DPP3: variants seen among roughly 807,000 people sequenced by gnomAD.
DPP3 encodes the protein dipeptidyl peptidase 3.
In DPP3, 64 loss-of-function variants were observed where a neutral mutation model predicts 89.8. The observed-to-expected ratio is 0.71, with a 90% CI of 0.58 to 0.88. The LOEUF is 0.88. Among genes scored for constraint, DPP3 ranks in the 40% least tolerant of loss-of-function variants. DPP3 has a pLI of 0.00. For missense variants in DPP3, 835 were observed against 972.5 expected, an observed-to-expected ratio of 0.86 and a Z score of 1.88; for synonymous variants, 377 against 404.3, an observed-to-expected ratio of 0.93 and a Z score of 0.81.
chr11:66,491,183 C>T (rs890748338), intron 6 of DPP3, 70 bp from the exon 7 acceptor site: 1 of 1,601,380 alleles, frequency 6.2e-7, no homozygotes, highest in Non-Finnish European at 8.5e-7. Flanking sequence ...AGGTGTCTTA[C>T]TCAGGCCTTT....
Position 66,498,415 on chromosome 11 carries a change from G to A in DPP3, c.1878+938G>A, listed in dbSNP as rs186350795. Among the ~76,000 whole-genome samples, 1,354 of 152,180 alleles carry A rather than the reference G, an allele frequency of 8.9e-3. 18 individuals carry two copies. Among genetic ancestry groups the A allele is most frequent in the African/African-American group, 0.031 (1,273 of 41,518 alleles). ...GCCTAATTTTTGTATTTTTAGTAGA[G>A]ACAGGGTTTCACCATGTTGGCCAGG... On this transcript the variant is annotated intron_variant, in intron 16 of 17. Coordinates refer to ENST00000531863, the MANE Select transcript of DPP3 (RefSeq NM_130443.4).
At chr11:66,494,461 T>C (rs1855480491) in intron 12 of DPP3, among the ~76,000 whole-genome samples, 1 of 152,220 alleles carries the variant, frequency 6.6e-6, no homozygotes, top group South Asian at 2.1e-4. Context: ...TTATCAAGGC[T>C]GTGTGTGGCC....
chr11:66,486,771 T>TG, intron 4 of DPP3, 94 bp downstream of exon 4: 1 of 1,388,090 alleles, frequency 7.2e-7, no homozygotes, highest in Non-Finnish European at 9.5e-7. Context: ...GGGGAGGCAG[T>TG]GGGCTCTGCC....
chr11:66,502,494 A>G (rs56144989), intron 16 of DPP3, among the ~76,000 whole-genome samples: 36,288 of 147,314 alleles, frequency 0.25, 4,611 homozygotes, highest in East Asian at 0.27. Flanking sequence ...TTTCGAAACC[A>G]AGTCTCACTC....
chr11:66,498,120 G>A lies in DPP3; in HGVS notation c.1878+643G>A, dbSNP rs369799859. On this transcript the variant is annotated intron_variant, in intron 16 of 17. Transcript: ENST00000531863. ...GCTAATTTTTTTTTTTTGAGACAGGGTCTCGCTCTGTCGCCCAGGCTGGAG... is the reference window on the plus strand; with the variant it reads ...GCTAATTTTTTTTTTTTGAGACAGGATCTCGCTCTGTCGCCCAGGCTGGAG... Among the ~76,000 whole-genome samples the A allele has an allele frequency of 2.7e-4, 39 of 145,728 alleles. No individual in the cohort carries two copies. The East Asian group carries it at 7.1e-3, about 27-fold the overall frequency.
intron 16 of DPP3, 43 bp from the exon 17 acceptor site, chr11:66,504,569 G>A (rs759025176): frequency 2.4e-5 from 38 of 1,561,418 alleles, no homozygotes; most frequent in East Asian, 4.6e-5. Context: ...TGTGGACACC[G>A]GGTAACTGCC....
intron 4 of DPP3, among the ~76,000 whole-genome samples, 188 bp from the exon 5 acceptor site, chr11:66,487,080 A>G (rs980636457): frequency 6.6e-6 from 1 of 152,090 alleles, no homozygotes; most frequent in Non-Finnish European, 1.5e-5. Flanking sequence ...AGGCCTGGGC[A>G]GAGCTGCAGC....
intron 2 of DPP3, chr11:66,483,038 T>C (rs1204858539): frequency 6.5e-6 from 1 of 153,224 alleles, no homozygotes; most frequent in Non-Finnish European, 1.5e-5. Flanking sequence ...TTTTTATTTT[T>C]TTTTTGTGAC....
At chr11:66,493,775 A>G (rs958186857) in intron 12 of DPP3, 142 bp downstream of exon 12, 51 of 847,340 alleles carry the variant, frequency 6.0e-5, no homozygotes, top group Middle Eastern at 2.3e-4. Context: ...TAGGCAGAGA[A>G]GACCCTGTCT....
intron 16 of DPP3, among the ~76,000 whole-genome samples, chr11:66,499,295 G>A (rs751849667): frequency 1.4e-4 from 21 of 151,752 alleles, no homozygotes; most frequent in Admixed American, 5.3e-4. Context: ...ACCTGAAGGC[G>A]GAGGTTGCAG....
At chr11:66,503,257 G>T (rs879516194) in intron 16 of DPP3, among the ~76,000 whole-genome samples, 1 of 152,074 alleles carries the variant, frequency 6.6e-6, no homozygotes, top group Non-Finnish European at 1.5e-5. Flanking sequence ...ATGAGCCACC[G>T]TGCCCAGCCA....
In DPP3 at chr11:66,493,633, G is replaced by T; in HGVS notation, c.1389G>T (p.Gln463His). The T allele has an allele frequency of 6.2e-7, 1 of 1,610,020 alleles. No individual in the cohort carries two copies. The highest frequency in any genetic ancestry group is 8.5e-7 in the Non-Finnish European group (1 of 1,178,722). The change falls in exon 12 of 18, where the codon CAG becomes CAT. Residue 463 changes from glutamine to histidine, a missense_variant and splice_region_variant. Coordinates refer to ENST00000531863, the MANE Select transcript of DPP3 (RefSeq NM_130443.4). ...LGHGSGKLFV[Q>H]DEKGAFNFDQ... ...ATGGCAGTGGCAAGCTCTTCGTACA[G>T]GTGAGAAGGCAGTGGCCAGCCCTGG...
chr11:66,504,543 G>A (rs1565276281), intron 16 of DPP3, 69 bp from the exon 17 acceptor site: 2 of 1,521,286 alleles, frequency 1.3e-6, no homozygotes, highest in Non-Finnish European at 8.9e-7. Flanking sequence ...ATCAGCTGTG[G>A]CCTATGGCAG....
chr11:66,507,320 A>G (rs1855826232), intron 17 of DPP3, among the ~76,000 whole-genome samples: 1 of 151,994 alleles, frequency 6.6e-6, no homozygotes, highest in Non-Finnish European at 1.5e-5. Flanking sequence ...ACAAAAAATT[A>G]GCCAGGCATG....
intron 15 of DPP3, among the ~76,000 whole-genome samples, chr11:66,496,482 T>C (rs1164571749): frequency 2.0e-5 from 3 of 151,862 alleles, no homozygotes; most frequent in Admixed American, 2.0e-4. Flanking sequence ...TGGCACCATC[T>C]TGGCTCACTG....
At chr11:66,487,437 G>C (rs1364250143) in intron 5 of DPP3, 95 bp downstream of exon 5, 5 of 1,299,204 alleles carry the variant, frequency 3.8e-6, no homozygotes, top group Non-Finnish European at 5.5e-6. Context: ...GTCTCTGCTT[G>C]ACTACTCCCT....
chr11:66,498,746 G>T (rs907775262), intron 16 of DPP3, among the ~76,000 whole-genome samples: 3 of 152,160 alleles, frequency 2.0e-5, no homozygotes, highest in Non-Finnish European at 4.4e-5. Context: ...AGTTTCCCTG[G>T]CGTGATGGCT....
chr11:66,499,282 T>C (rs997910595), intron 16 of DPP3, among the ~76,000 whole-genome samples: 2 of 149,546 alleles, frequency 1.3e-5, no homozygotes, highest in African/African-American at 4.9e-5. Context: ...AGAATCTCTT[T>C]AAACCTGAAG....
Position 66,486,624 on chromosome 11 carries a change from G to C in DPP3, c.445G>C (p.Glu149Gln). Residue 149 changes from glutamate to glutamine, a missense_variant, in exon 4 of 18, where the codon GAG becomes CAG. Physicochemically the swap from Glu to Gln is conservative, Grantham distance 29. Transcript: ENST00000531863. ...CAGGGGCCTCTGGCAGACCTGCGGG[G>C]AGCTTATGTTCTCTCTGGAGCCAAG... The part of the protein sequence containing the change: ...EVRGLWQTCG[E>Q]LMFSLEPRLR... 2 of 1,583,458 alleles carry C rather than the reference G, an allele frequency of 1.3e-6. No homozygotes were observed. The highest frequency in any genetic ancestry group is 2.7e-5 in the African/African-American group (2 of 73,262).
Sources: allele counts gnomAD v4.1 joint callset (sites outside exome capture counted in the v4.1 genomes callset), GRCh38; gene constraint gnomAD v4.1.1; transcripts MANE v1.5; gene names NCBI Gene and HGNC (gene_info 2026-07-23, HGNC 2026-07-21).